ZMIZ1: variants seen among roughly 807,000 people sequenced by gnomAD.
The protein encoded by ZMIZ1 is zinc finger MIZ-type containing 1.
In ZMIZ1, 17 loss-of-function variants were observed where a neutral mutation model predicts 113.9. The observed-to-expected ratio is 0.15, with a 90% confidence interval of 0.10 to 0.22. The LOEUF (loss-of-function observed/expected upper bound fraction) is 0.22. ZMIZ1 is among the 10% of genes least tolerant of loss of function. ZMIZ1 has a pLI of 1.00. For missense variants in ZMIZ1, 1,059 were observed against 1,477.8 expected (o/e 0.72, Z 4.65); for synonymous variants, 607 against 603.1 (o/e 1.01, Z -0.09).
intron 3 of ZMIZ1, among the ~76,000 whole-genome samples, 180 bp downstream of exon 3, chr10:79,139,957 A>G (rs944781856): frequency 2.0e-5 from 3 of 152,198 alleles, no homozygotes; most frequent in Admixed American, 1.3e-4. Context: ...TGTGGTGCTC[A>G]TACTGCCAGA....
intron 1 of ZMIZ1, among the ~76,000 whole-genome samples, chr10:79,095,721 C>G (rs1028187854): frequency 6.6e-6 from 1 of 152,234 alleles, no homozygotes; most frequent in Non-Finnish European, 1.5e-5. Flanking sequence ...ACCCCCGCAC[C>G]CCGTGTGGCT....
chr10:79,178,366 G>C (rs1222414990), intron 4 of ZMIZ1, among the ~76,000 whole-genome samples: 2 of 152,192 alleles, frequency 1.3e-5, no homozygotes, highest in Non-Finnish European at 2.9e-5. Context: ...AGTGCCTACT[G>C]TGTGTTGGTG....
intron 4 of ZMIZ1, among the ~76,000 whole-genome samples, chr10:79,180,080 T>G (rs1482251173): frequency 2.6e-5 from 4 of 152,008 alleles, no homozygotes; most frequent in Non-Finnish European, 5.9e-5. Context: ...CACAGCACCA[T>G]GAAGATGAAG....
intron 1 of ZMIZ1, among the ~76,000 whole-genome samples, chr10:79,084,028 A>G (rs1842735628): frequency 6.6e-6 from 1 of 152,096 alleles, no homozygotes; most frequent in African/African-American, 2.4e-5. Context: ...ATTCCCTGGC[A>G]TTCATCCCCT....
chr10:79,272,605 G>A lies in ZMIZ1; in HGVS notation c.281-4576G>A, dbSNP rs1164746072. Among the ~76,000 whole-genome samples, 4 of 152,346 alleles carry A rather than the reference G, an allele frequency of 2.6e-5. No homozygotes were observed. In the East Asian group the frequency reaches 7.7e-4, roughly 29 times the overall value. On this transcript the variant is annotated intron_variant, in intron 7 of 24. Coordinates refer to ENST00000334512, the MANE Select transcript of ZMIZ1 (RefSeq NM_020338.4). ...GAGTGCTAGCCTCGCCTGCTTCACC[G>A]CAGTACCTCCAGAACACACAAGGTG...
chr10:79,148,616 A>G (rs1804118317), intron 3 of ZMIZ1, among the ~76,000 whole-genome samples: 2 of 151,168 alleles, frequency 1.3e-5, no homozygotes, highest in South Asian at 4.2e-4. Flanking sequence ...CCATCATGCC[A>G]CCTACAACTG....
chr10:79,235,199 A>C (rs1443339084), intron 7 of ZMIZ1, among the ~76,000 whole-genome samples: 1 of 152,200 alleles, frequency 6.6e-6, no homozygotes, highest in Non-Finnish European at 1.5e-5. Flanking sequence ...TGGGGAATGA[A>C]GGAAGCCGCT....
chr10:79,267,488 G>A (rs918325196), intron 7 of ZMIZ1, among the ~76,000 whole-genome samples: 3 of 152,194 alleles, frequency 2.0e-5, no homozygotes, highest in African/African-American at 7.2e-5. Context: ...AACATTCTAT[G>A]TATAGTAACT....
intron 2 of ZMIZ1, among the ~76,000 whole-genome samples, chr10:79,125,388 G>A (rs1469921798): frequency 1.3e-5 from 2 of 152,212 alleles, no homozygotes; most frequent in African/African-American, 2.4e-5. Context: ...TCTTTCCCAA[G>A]AGAGGTAGGT....
At chr10:79,307,828 A>G (rs1456219457) in intron 23 of ZMIZ1, among the ~76,000 whole-genome samples, 1 of 151,900 alleles carries the variant, frequency 6.6e-6, no homozygotes, top group Non-Finnish European at 1.5e-5. Context: ...TCACCACCCC[A>G]TGCATACACA....
rs140533483 is a variant in ZMIZ1, at chr10:79,085,907, G to A, written c.-337+16637G>A. ...GGAGTTGGATGAAACCCCTGGGGCA[G>A]CACCGGGCACTGGAAGGGCCCTGGT... On this transcript the variant is annotated intron_variant, in intron 1 of 24. Coordinates refer to ENST00000334512, the MANE Select transcript of ZMIZ1 (RefSeq NM_020338.4). 1.6e-3 allele frequency among the ~76,000 whole-genome samples: 246 copies of A among 152,250 alleles called. 6 individuals are homozygous for A. In the East Asian group the frequency reaches 0.044, roughly 27 times the overall value.
chr10:79,272,316 C>A (rs1029761476), intron 7 of ZMIZ1, among the ~76,000 whole-genome samples: 12 of 152,068 alleles, frequency 7.9e-5, no homozygotes, highest in African/African-American at 2.4e-4. Flanking sequence ...CACAATAACC[C>A]TAAAGAGTAA....
At chr10:79,184,489 T>C (rs1357386207) in intron 4 of ZMIZ1, among the ~76,000 whole-genome samples, 1 of 152,134 alleles carries the variant, frequency 6.6e-6, no homozygotes, top group Non-Finnish European at 1.5e-5. Context: ...AATGAGATAA[T>C]GTGTGTGGAG....
chr10:79,289,065 T>G (rs1015691546), intron 8 of ZMIZ1, among the ~76,000 whole-genome samples: 18 of 152,064 alleles, frequency 1.2e-4, no homozygotes, highest in African/African-American at 3.6e-4. Context: ...CTTAAGTGTG[T>G]GTTTGGACTC....
chr10:79,215,419 C>G (rs904427698), intron 6 of ZMIZ1, among the ~76,000 whole-genome samples: 2 of 152,076 alleles, frequency 1.3e-5, no homozygotes, highest in African/African-American at 4.8e-5. Flanking sequence ...TCTGCCTCAG[C>G]CTCCAGAATT....
chr10:79,290,511 G>A (rs1215340143), intron 9 of ZMIZ1, among the ~76,000 whole-genome samples: 5 of 152,218 alleles, frequency 3.3e-5, no homozygotes, highest in African/African-American at 1.2e-4. Flanking sequence ...CTAGCAGGGT[G>A]GGTTCCTCTT....
At chr10:79,146,955 T>C (rs796295470) in intron 3 of ZMIZ1, among the ~76,000 whole-genome samples, 23,720 of 130,606 alleles carry the variant, frequency 0.18, 2,178 homozygotes, top group East Asian at 0.35. Context: ...CGTGTGTGTG[T>C]GTGTGTGTGT....
chr10:79,311,600 A>G (rs1053948236), intron 24 of ZMIZ1, among the ~76,000 whole-genome samples: 15 of 151,882 alleles, frequency 9.9e-5, no homozygotes, highest in African/African-American at 3.6e-4. Flanking sequence ...GTCTGTCTCC[A>G]GTTTTCTTGT....
intron 18 of ZMIZ1, among the ~76,000 whole-genome samples, chr10:79,302,907 G>C (rs577735882): frequency 1.4e-5 from 2 of 147,506 alleles, no homozygotes; most frequent in Non-Finnish European, 3.0e-5. Context: ...TGTCGTCCAG[G>C]CTGGAGTGCA....
Sources: allele counts gnomAD v4.1 joint callset (sites outside exome capture counted in the v4.1 genomes callset), GRCh38; gene constraint gnomAD v4.1.1; transcripts MANE v1.5; gene names NCBI Gene and HGNC (gene_info 2026-07-23, HGNC 2026-07-21).